Variants in ERC2 observed in about 807,000 individuals in gnomAD.
ERC2 encodes the protein ELKS/RAB6-interacting/CAST family member 2.
A neutral mutation model predicts 114.8 loss-of-function variants in ERC2; 42 were observed. The observed-to-expected ratio is 0.37, with a 90% CI of 0.29 to 0.47. The LOEUF (loss-of-function observed/expected upper bound fraction) is 0.47, where lower values mean the gene tolerates loss of function less well. Ranked by LOEUF, ERC2 falls within the 20% of genes least tolerant of loss-of-function variation. ERC2 has a pLI of 0.99. For missense variants in ERC2, 939 were observed against 1,150.7 expected (o/e 0.82, Z 2.66); for synonymous variants, 454 against 425.5 (o/e 1.07, Z -0.82).
chr3:56,176,326 A>C (rs773935578), intron 3 of ERC2, among the ~76,000 whole-genome samples: 10 of 152,214 alleles, frequency 6.6e-5, no homozygotes, highest in Non-Finnish European at 1.3e-4. Context: ...GCAACCAAGC[A>C]ACACAGTGAA....
At chr3:55,656,512 G>A (rs926541085) in intron 17 of ERC2, among the ~76,000 whole-genome samples, 15 of 152,102 alleles carry the variant, frequency 9.9e-5, no homozygotes, top group Non-Finnish European at 1.5e-5. Flanking sequence ...CCTTGAGTCC[G>A]GGAGGCTCTG....
chr3:55,884,640 C>T (rs1031480708), intron 14 of ERC2, among the ~76,000 whole-genome samples: 10 of 152,044 alleles, frequency 6.6e-5, no homozygotes, highest in Admixed American at 5.9e-4. Context: ...TGAACCACCA[C>T]CTTATGAGCC....
intron 14 of ERC2, among the ~76,000 whole-genome samples, chr3:55,765,592 T>A (rs1364931293): frequency 1.3e-5 from 2 of 152,230 alleles, no homozygotes; most frequent in Non-Finnish European, 2.9e-5. Flanking sequence ...AGAGGTATCC[T>A]CAACAGAGGG....
chr3:55,799,074 AT>A (rs564531116), intron 14 of ERC2, among the ~76,000 whole-genome samples: 120 of 152,184 alleles, frequency 7.9e-4, no homozygotes, highest in Non-Finnish European at 1.4e-3. Context: ...TGGAAGGGGG[AT>A]TCATCGGTCA....
At chr3:55,857,093 G>C (rs2061821067) in intron 14 of ERC2, among the ~76,000 whole-genome samples, 1 of 152,116 alleles carries the variant, frequency 6.6e-6, no homozygotes, top group South Asian at 2.1e-4. Flanking sequence ...AGATAGTGGT[G>C]ATGGGTTGTA....
intron 16 of ERC2, among the ~76,000 whole-genome samples, chr3:55,688,974 C>T (rs2062483588): frequency 6.6e-6 from 1 of 152,172 alleles, no homozygotes; most frequent in African/African-American, 2.4e-5. Context: ...CTGGTTTATT[C>T]TTCTACACCC....
intron 6 of ERC2, among the ~76,000 whole-genome samples, chr3:56,089,154 G>T (rs1028664452): frequency 6.6e-6 from 1 of 152,174 alleles, no homozygotes; most frequent in Non-Finnish European, 1.5e-5. Flanking sequence ...GTCCTCCAGA[G>T]TTAGTTAATT....
chr3:55,923,975 T>C (rs17056259), intron 13 of ERC2, among the ~76,000 whole-genome samples: 2,029 of 152,280 alleles, frequency 0.013, 43 homozygotes, highest in African/African-American at 0.045. Context: ...CTATTTATTT[T>C]AAGCCAAACT....
In ERC2 at chr3:55,723,356, C is replaced by A. The variant is rs187211379; in HGVS notation, c.2712+11415G>T. Among the ~76,000 whole-genome samples, 3 of 151,910 alleles carry A rather than the reference C, an allele frequency of 2.0e-5. No homozygotes were observed. The East Asian group carries it at 5.8e-4, about 29-fold the overall frequency. On this transcript the variant is annotated intron_variant, in intron 15 of 17. Transcript: ENST00000288221. ...CATTTTTTGAAGTTTCTATTATGAG[C>A]AAATATTATTTCTATGATAAAAGAT... is the stretch of plus-strand genomic sequence containing the variant.
At position 55,860,660 on chromosome 3, in the gene ERC2, GAA is replaced by G. The variant is rs2061988703; in HGVS notation, c.2564+27727_2564+27728del. 3.9e-5 allele frequency among the ~76,000 whole-genome samples: 6 copies of G among 152,206 alleles called. No homozygotes were observed. In the South Asian group the frequency reaches 1.2e-3, roughly 32 times the overall value. On this transcript the variant is annotated intron_variant, in intron 14 of 17. Transcript: ENST00000288221. ...CTGCTGAAGCCTGCTTAAAAAGCTC[GAA>G]AAACTCCCCTGCTAATGAGGTAAGA...
rs192363820 is a variant in ERC2 at position 56,209,044 on chromosome 3, T to C, written c.1075-35524A>G. On this transcript the variant is annotated intron_variant, in intron 3 of 17. Transcript: ENST00000288221. Reference sequence around the variant, plus strand: ...AAATCTGATCACTCCCCTCCTCTGCTGAACCCCTTCAAAGGCTCCTCAGCA... The same window carrying C: ...AAATCTGATCACTCCCCTCCTCTGCCGAACCCCTTCAAAGGCTCCTCAGCA... Among the ~76,000 whole-genome samples the C allele has an allele frequency of 9.9e-5, 15 of 152,282 alleles. No homozygotes were observed. The South Asian group carries it at 2.5e-3, about 25-fold the overall frequency.
chr3:56,412,882 T>C (rs935644538), intron 2 of ERC2, among the ~76,000 whole-genome samples: 7 of 152,218 alleles, frequency 4.6e-5, no homozygotes, highest in Non-Finnish European at 7.3e-5. Context: ...GTCAGGAATA[T>C]GGCAGTGCCT....
chr3:56,066,277 T>G (rs2076478216), intron 7 of ERC2, among the ~76,000 whole-genome samples: 1 of 152,236 alleles, frequency 6.6e-6, no homozygotes, highest in Admixed American at 6.5e-5. Context: ...TGGTTTTGAT[T>G]TGCATTTCTC....
intron 17 of ERC2, among the ~76,000 whole-genome samples, chr3:55,682,353 A>G (rs948345647): frequency 2.0e-5 from 3 of 152,162 alleles, no homozygotes; most frequent in Admixed American, 6.5e-5. Context: ...GGGAGAAGAG[A>G]TGAGATACTT....
At chr3:55,965,656 C>T (rs761865788) in intron 12 of ERC2, among the ~76,000 whole-genome samples, 6 of 152,180 alleles carry the variant, frequency 3.9e-5, no homozygotes, top group African/African-American at 1.4e-4. Flanking sequence ...ATTAATGCAA[C>T]TTAAGGCATC....
chr3:55,695,707 G>GA (rs1212558988), intron 16 of ERC2, among the ~76,000 whole-genome samples: 1 of 152,120 alleles, frequency 6.6e-6, no homozygotes, highest in African/African-American at 2.4e-5. Flanking sequence ...GAAGCTGCCG[G>GA]AAAATCCCAC....
chr3:56,294,628 T>C (rs1338822836), intron 3 of ERC2, among the ~76,000 whole-genome samples: 11 of 152,228 alleles, frequency 7.2e-5, no homozygotes, highest in Non-Finnish European at 1.5e-4. Flanking sequence ...AACAGTCTTA[T>C]GTAACCTAAT....
intron 12 of ERC2, among the ~76,000 whole-genome samples, chr3:55,960,728 T>C (rs1482575522): frequency 1.3e-5 from 2 of 152,230 alleles, no homozygotes; most frequent in Admixed American, 6.5e-5. Context: ...ACGAGGATGC[T>C]GGCTCCAATT....
intron 14 of ERC2, among the ~76,000 whole-genome samples, chr3:55,789,964 G>A (rs1337064785): frequency 6.6e-6 from 1 of 152,132 alleles, no homozygotes; most frequent in Non-Finnish European, 1.5e-5. Flanking sequence ...TAGCCTCACA[G>A]GCCTGGATTA....
Sources: allele counts gnomAD v4.1 joint callset (sites outside exome capture counted in the v4.1 genomes callset), GRCh38; gene constraint gnomAD v4.1.1; transcripts MANE v1.5; gene names NCBI Gene and HGNC (gene_info 2026-07-23, HGNC 2026-07-21).